RGS21: variants seen among roughly 807,000 people sequenced by gnomAD.
The protein encoded by RGS21 is regulator of G-protein signalling 21.
RGS21 carries 19 observed loss-of-function variants against 18.7 expected under a neutral mutation model. The observed-to-expected ratio is 1.01, with a 90% CI of 0.71 to 1.49. The LOEUF (loss-of-function observed/expected upper bound fraction) is 1.49, where lower values mean the gene tolerates loss of function less well. Ranked by LOEUF, RGS21 falls within the 40% of genes most tolerant of loss-of-function variation. The pLI is 0.00. For synonymous variants in RGS21, 56 were observed against 57.8 expected, an observed-to-expected ratio of 0.97 and a Z score of 0.14; for missense variants, 194 against 176.8, an observed-to-expected ratio of 1.10 and a Z score of -0.55.
At chr1:192,361,106 G>A (rs1360179659) in intron 4 of RGS21, among the ~76,000 whole-genome samples, 1 of 151,998 alleles carries the variant, frequency 6.6e-6, no homozygotes, top group Non-Finnish European at 1.5e-5. Flanking sequence ...ATCTTATATG[G>A]TTGTGTGATA....
chr1:192,348,100 A>G (rs928249830), intron 3 of RGS21, among the ~76,000 whole-genome samples: 1 of 149,334 alleles, frequency 6.7e-6, no homozygotes. Context: ...ATCTCTGCTC[A>G]CTGCAACCTC....
At chr1:192,325,048 T>C (rs549199604) in intron 1 of RGS21, among the ~76,000 whole-genome samples, 4 of 152,210 alleles carry the variant, frequency 2.6e-5, no homozygotes, top group Non-Finnish European at 4.4e-5. Context: ...TATCTTATTT[T>C]AGTTTTGTTT....
chr1:192,342,065 C>T (rs1177856068), intron 1 of RGS21, among the ~76,000 whole-genome samples: 1 of 151,956 alleles, frequency 6.6e-6, no homozygotes, highest in East Asian at 1.9e-4. Flanking sequence ...CTGATACTAA[C>T]CATTTCTATA....
intron 4 of RGS21, among the ~76,000 whole-genome samples, chr1:192,356,316 G>A (rs77050125): frequency 0.011 from 1,745 of 151,854 alleles, 20 homozygotes; most frequent in Middle Eastern, 0.061. Context: ...GAGCAGCTCA[G>A]TTTAGGCAGG....
At position 192,320,500 on chromosome 1, in the gene RGS21, A is replaced by ACG. The variant is rs1231536457; in HGVS notation, c.-61+3395_-61+3396insCG. 3.2e-3 allele frequency among the ~76,000 whole-genome samples: 462 copies of ACG among 145,178 alleles called. 2 individuals carry two copies. Among genetic ancestry groups the ACG allele is most frequent in the African/African-American group, 0.012 (430 of 37,298 alleles). ...CACAGACCATGTAAAATGTAAAGGA[A>ACG]TGTGTATGTGTATGTGTATGTGTAT... On this transcript the variant is annotated intron_variant, in intron 1 of 4. Coordinates refer to ENST00000417209, the MANE Select transcript of RGS21 (RefSeq NM_001039152.3).
chr1:192,333,917 G>A (rs919608482), intron 1 of RGS21, among the ~76,000 whole-genome samples: 2 of 152,108 alleles, frequency 1.3e-5, no homozygotes, highest in African/African-American at 2.4e-5. Flanking sequence ...TCTGAAACCT[G>A]TCTGTTCTGT....
intron 1 of RGS21, among the ~76,000 whole-genome samples, chr1:192,320,763 G>T (rs1427446988): frequency 1.3e-5 from 2 of 151,878 alleles, no homozygotes; most frequent in African/African-American, 2.4e-5. Context: ...AACATGAGAA[G>T]AAACAAAGCA....
intron 3 of RGS21, among the ~76,000 whole-genome samples, chr1:192,350,577 AG>A (rs1400175690): frequency 6.6e-6 from 1 of 152,176 alleles, no homozygotes; most frequent in Non-Finnish European, 1.5e-5. Context: ...TGGCAGGTGG[AG>A]GAGAAAACCA....
chr1:192,334,886 A>G (rs1004260559), intron 1 of RGS21, among the ~76,000 whole-genome samples: 4 of 152,114 alleles, frequency 2.6e-5, no homozygotes. Context: ...AAAATAAACC[A>G]TAATCCACTT....
rs1659272865 is a variant in RGS21, at chr1:192,367,235, A to G, written c.*1111A>G. ...TCACAAACTACTCATTTGATAGACA[A>G]AATTTTGTCTTCCCTTCATCATGAG... On this transcript the variant is annotated 3_prime_UTR_variant, in exon 5 of 5. Transcript: ENST00000417209. 1 of 152,026 alleles carries G rather than the reference A, an allele frequency of 6.6e-6. No individual in the cohort carries two copies. Among genetic ancestry groups the G allele is most frequent in the Non-Finnish European group, 1.5e-5 (1 of 67,972 alleles). 9.4% of individuals were successfully genotyped at this position (152,026 alleles called of 1,614,324 possible).
chr1:192,336,812 C>CG (rs1557976641), intron 1 of RGS21, among the ~76,000 whole-genome samples: 1 of 151,530 alleles, frequency 6.6e-6, no homozygotes, highest in African/African-American at 2.4e-5. Flanking sequence ...CTGACCATGC[C>CG]GGGGGAGATA....
intron 2 of RGS21, 91 bp downstream of exon 2, chr1:192,343,138 AT>A: frequency 8.4e-7 from 1 of 1,196,720 alleles, no homozygotes; most frequent in East Asian, 2.3e-5. Flanking sequence ...TATTTCCTTC[AT>A]TTATGATAAA....
rs1270394874 is a variant in RGS21, at chr1:192,317,053, C to T, written c.-113C>T. On this transcript the variant is annotated 5_prime_UTR_variant, in exon 1 of 5. Coordinates refer to ENST00000417209, the MANE Select transcript of RGS21 (RefSeq NM_001039152.3). ...CAGATTTTCTCATCTATCCTGTCAA[C>T]AAAGAAGGAATCAAGAGAGCAAGGA... 6.6e-6 allele frequency: 1 copy of T among 151,798 alleles called. No individual in the cohort carries two copies. Among genetic ancestry groups the T allele is most frequent in the Non-Finnish European group, 1.5e-5 (1 of 67,816 alleles). 9.4% of individuals were successfully genotyped at this position (151,798 alleles called of 1,614,324 possible).
At chr1:192,334,981 C>G (rs931814625) in intron 1 of RGS21, among the ~76,000 whole-genome samples, 1 of 152,048 alleles carries the variant, frequency 6.6e-6, no homozygotes, top group African/African-American at 2.4e-5. Flanking sequence ...ATATACTCTT[C>G]TAATTAAATA....
intron 2 of RGS21, among the ~76,000 whole-genome samples, chr1:192,346,285 C>A (rs558270780): frequency 6.6e-6 from 1 of 152,146 alleles, no homozygotes; most frequent in African/African-American, 2.4e-5. Flanking sequence ...CAGCAAATTA[C>A]AGGAAGTAAT....
intron 1 of RGS21, among the ~76,000 whole-genome samples, chr1:192,320,732 G>GA (rs940990765): frequency 6.6e-6 from 1 of 151,566 alleles, no homozygotes; most frequent in Non-Finnish European, 1.5e-5. Context: ...AGCAGTTTCA[G>GA]AAAAAAAGAG....
rs1190259941 is a variant in RGS21 at position 192,366,347 on chromosome 1, G to A, written c.*223G>A. 9 of 439,402 alleles carry A rather than the reference G, an allele frequency of 2.0e-5. No homozygotes were observed. The highest frequency in any genetic ancestry group is 4.1e-5 in the African/African-American group (2 of 49,072). The allele number at this position is 439,402 out of a possible 1,614,324, so 27.2% of individuals were successfully genotyped here. A position where few individuals can be genotyped will look rare whatever the true frequency, so the allele number is the denominator to read the frequency against. ...CTCCTACTGGGGGAGTACAAAGAAAGTTTATAGAGATACAATATAGTCTTA... is the reference window on the plus strand; with the variant it reads ...CTCCTACTGGGGGAGTACAAAGAAAATTTATAGAGATACAATATAGTCTTA... On this transcript the variant is annotated 3_prime_UTR_variant, in exon 5 of 5. Coordinates refer to ENST00000417209, the MANE Select transcript of RGS21 (RefSeq NM_001039152.3).
chr1:192,332,289 G>A (rs1186535964), intron 1 of RGS21, among the ~76,000 whole-genome samples: 2 of 152,020 alleles, frequency 1.3e-5, no homozygotes, highest in African/African-American at 4.8e-5. Flanking sequence ...GAATTATATG[G>A]GATCAGTAAT....
chr1:192,345,600 C>G (rs1571457672), intron 2 of RGS21, among the ~76,000 whole-genome samples: 1 of 152,116 alleles, frequency 6.6e-6, no homozygotes, highest in South Asian at 2.1e-4. Flanking sequence ...TATAAATGTT[C>G]ATCTTTGAAT....
Sources: gnomAD v4.1 joint callset for allele counts (sites outside exome capture counted in the v4.1 genomes callset) on GRCh38, gnomAD v4.1.1 for gene constraint, MANE v1.5 for transcripts, NCBI Gene and HGNC (gene_info 2026-07-23, HGNC 2026-07-21) for gene names.